The following PROZ variants were observed in gnomAD, a reference collection of about 807,000 sequenced individuals.
PROZ encodes protein Z, vitamin K dependent plasma glycoprotein, also known as vitamin K-dependent protein Z.
PROZ carries 46 observed loss-of-function variants against 34.9 expected under a neutral mutation model. The observed-to-expected ratio is 1.32, with a 90% CI of 1.04 to 1.69. PROZ has a LOEUF of 1.69. PROZ is among the 40% of genes most tolerant of loss of function. The pLI, the probability that PROZ is intolerant of heterozygous loss-of-function variation, is 0.00. For synonymous variants in PROZ, 195 were observed against 208.5 expected (o/e 0.94, Z 0.56); for missense variants, 530 against 520.4 (o/e 1.02, Z -0.18).
intron 6 of PROZ, among the ~76,000 whole-genome samples, chr13:113,169,791 G>A (rs1306030174): frequency 1.3e-5 from 2 of 152,226 alleles, no homozygotes; most frequent in African/African-American, 2.4e-5. Context: ...ACACTCTTGG[G>A]TGGTTCTTAC....
At position 113,165,124 on chromosome 13, in the gene PROZ, A is replaced by G. The variant is rs143354109; in HGVS notation, c.573+4A>G. On this transcript the variant is annotated splice_donor_region_variant and intron_variant, in intron 6 of 7. Coordinates refer to ENST00000375547, the MANE Select transcript of PROZ (RefSeq NM_003891.3). The stretch of plus-strand genomic sequence containing the variant: ...TCTACAGGACCTCCCGTGGCAGGTA[A>G]CAGAGCGCTCTCCGCGTGCTTCAAT... The G allele has an allele frequency of 6.2e-7, 1 of 1,610,596 alleles. No homozygotes were observed. Among genetic ancestry groups the G allele is most frequent in the East Asian group, 2.2e-5 (1 of 44,872 alleles).
intron 6 of PROZ, 101 bp from the exon 7 acceptor site, chr13:113,170,312 T>TGGGGGTGGGGG: frequency 3.6e-6 from 2 of 549,036 alleles, no homozygotes; most frequent in Non-Finnish European, 6.3e-6. Flanking sequence ...GGGGTGGGGG[T>TGGGGGTGGGGG]GGGGGTGGGG....
At chr13:113,166,285 T>TTGAGG (rs2036929235) in intron 6 of PROZ, 1 of 152,250 alleles carries the variant, frequency 6.6e-6, no homozygotes, top group Non-Finnish European at 1.5e-5. Context: ...ATAAACATTA[T>TTGAGG]TGAGGTTATT....
intron 3 of PROZ, 127 bp downstream of exon 3, chr13:113,161,099 C>T (rs2036752377): frequency 1.1e-6 from 1 of 881,182 alleles, no homozygotes; most frequent in African/African-American, 1.6e-5. Flanking sequence ...CCCACGGTGT[C>T]TCTCCAGGGA....
At chr13:113,164,364 G>T (rs1246685082) in intron 4 of PROZ, 149 bp from the exon 5 acceptor site, 9 of 880,982 alleles carry the variant, frequency 1.0e-5, no homozygotes, top group Non-Finnish European at 1.6e-5. Context: ...GATCTGAAGA[G>T]AATGAGAACA....
Position 113,171,912 on chromosome 13 carries a change from C to G in PROZ, c.1010C>G (p.Thr337Ser). 1 of 1,613,760 alleles carries G rather than the reference C, an allele frequency of 6.2e-7. No individual in the cohort carries two copies. Among genetic ancestry groups the G allele is most frequent in the Non-Finnish European group, 8.5e-7 (1 of 1,180,038 alleles). ...CAGGTCCTGAATGTGACTGTCACCACCAGGACCTACTGTGAGAGAAGCAGC... is the reference window on the plus strand; with the variant it reads ...CAGGTCCTGAATGTGACTGTCACCAGCAGGACCTACTGTGAGAGAAGCAGC... ...CGQVLNVTVT[T>S]RTYCERSSVA... Residue 337 changes from threonine to serine, a missense_variant, in exon 8 of 8, where the codon ACC (threonine) becomes AGC (serine). Physicochemically the swap from Thr to Ser is moderately conservative, Grantham distance 58 (BLOSUM62 1). Transcript: ENST00000375547. The surrounding 1 kb of genome is among the most constrained non-coding windows in gnomAD (Gnocchi z 5.1).
intron 6 of PROZ, among the ~76,000 whole-genome samples, chr13:113,167,339 C>T (rs1204155334): frequency 6.6e-6 from 1 of 152,190 alleles, no homozygotes; most frequent in Non-Finnish European, 1.5e-5. Context: ...TATTCATAAA[C>T]ACATGAAGAG....
chr13:113,161,250 G>C (rs1018776175), intron 3 of PROZ, among the ~76,000 whole-genome samples: 1 of 152,248 alleles, frequency 6.6e-6, no homozygotes, highest in African/African-American at 2.4e-5. Flanking sequence ...CAGGCCAGGA[G>C]GGCCCCCCCA....
chr13:113,171,869 G>A lies in PROZ; in HGVS notation c.967G>A (p.Glu323Lys). 6.2e-7 allele frequency: 1 copy of A among 1,613,726 alleles called. No individual in the cohort carries two copies. The highest frequency in any genetic ancestry group is 8.5e-7 in the Non-Finnish European group (1 of 1,180,042). The change falls in exon 8 of 8, where the codon GAG (glutamate) becomes AAG (lysine). Residue 323 changes from glutamate to lysine, a missense_variant. Glu to Lys is a moderately conservative substitution (Grantham distance 56). Coordinates refer to ENST00000375547, the MANE Select transcript of PROZ (RefSeq NM_003891.3). This position sits in a 1 kb window ranked among gnomAD's most constrained non-coding sequence, Gnocchi z 5.1. Reference protein sequence around the residue: ...SLTTRPVTLVEGEECGQVLNV... With the variant: ...SLTTRPVTLVKGEECGQVLNV... ...GACCACGCGGCCTGTCACACTTGTG[G>A]AGGGGGAGGAGTGCGGGCAGGTCCT...
At chr13:113,169,625 C>T (rs749304284) in intron 6 of PROZ, among the ~76,000 whole-genome samples, 30 of 152,248 alleles carry the variant, frequency 2.0e-4, no homozygotes, top group Non-Finnish European at 2.9e-4. Flanking sequence ...AGGACCAGGG[C>T]AGCGCTCAAG....
Position 113,159,993 on chromosome 13 carries a change from G to A in PROZ, c.71-21G>A. ...GGGCCCTCGGTGCTCCCAGTCACCT[G>A]CCTTCTTGTCTCGTCTGTAGTATTT... On this transcript the variant is annotated intron_variant, in intron 1 of 7. Coordinates refer to ENST00000375547, the MANE Select transcript of PROZ (RefSeq NM_003891.3). The surrounding 1 kb of genome is among the most constrained non-coding windows in gnomAD (Gnocchi z 4.6). 2 of 1,613,430 alleles carry A rather than the reference G, an allele frequency of 1.2e-6. No homozygotes were observed. Among genetic ancestry groups the A allele is most frequent in the South Asian group, 1.1e-5 (1 of 91,056 alleles).
At chr13:113,161,463 G>C (rs1294946964) in intron 3 of PROZ, among the ~76,000 whole-genome samples, 4 of 152,148 alleles carry the variant, frequency 2.6e-5, no homozygotes, top group African/African-American at 9.7e-5. Context: ...CACGGGGCTG[G>C]GGGAGGCCAG....
chr13:113,162,791 C>G (rs1432194902), intron 3 of PROZ, among the ~76,000 whole-genome samples: 1 of 147,064 alleles, frequency 6.8e-6, no homozygotes, highest in Admixed American at 6.8e-5. Context: ...CTGCTCAGGT[C>G]CCCGTCCCTG....
In PROZ at chr13:113,159,418, C is replaced by T. The variant is rs1299975984; in HGVS notation, c.71-596C>T. On this transcript the variant is annotated intron_variant, in intron 1 of 7. Coordinates refer to ENST00000375547, the MANE Select transcript of PROZ (RefSeq NM_003891.3). The surrounding 1 kb of genome is among the most constrained non-coding windows in gnomAD (Gnocchi z 4.6). ...CCCCCCCTGCTGTAACCCTCAGCAC[C>T]GAGAGAAAAGGAGGGAGGATGGGAA... 6.6e-6 allele frequency among the ~76,000 whole-genome samples: 1 copy of T among 151,970 alleles called. No homozygotes were observed. Among genetic ancestry groups the T allele is most frequent in the African/African-American group, 2.4e-5 (1 of 41,376 alleles).
intron 6 of PROZ, among the ~76,000 whole-genome samples, chr13:113,167,672 T>A (rs1001282212): frequency 2.0e-5 from 3 of 152,218 alleles, no homozygotes; most frequent in Non-Finnish European, 2.9e-5. Context: ...AGTGCATGTT[T>A]AAAAAATAAA....
In PROZ at chr13:113,172,229, C is replaced by G; in HGVS notation, c.*124C>G. 1 of 1,373,900 alleles carries G rather than the reference C, an allele frequency of 7.3e-7. No homozygotes were observed. The allele number at this position is 1,373,900 out of a possible 1,614,324, so 85.1% of individuals were successfully genotyped here. A position where few individuals can be genotyped will look rare whatever the true frequency, so the allele number is the denominator to read the frequency against. ...GAGGCCGTCACAGCCCCAGACCACC[C>G]GCTTGGCCCACGCAGCAGCAGAGCC... On this transcript the variant is annotated 3_prime_UTR_variant, in exon 8 of 8. Transcript: ENST00000375547.
intron 3 of PROZ, 77 bp downstream of exon 3, chr13:113,161,049 C>A: frequency 7.7e-7 from 1 of 1,299,338 alleles, no homozygotes; most frequent in Non-Finnish European, 1.1e-6. Context: ...GGACGCTTCA[C>A]GACCCCAGCT....
intron 5 of PROZ, 72 bp downstream of exon 5, chr13:113,164,716 T>C (rs1160696130): frequency 1.3e-6 from 2 of 1,593,348 alleles, no homozygotes; most frequent in Non-Finnish European, 1.7e-6. Context: ...CTTCCTTCTG[T>C]AGTACTGGGT....
rs370179201 is a variant in PROZ at position 113,164,591 on chromosome 13, G to A, written c.452G>A (p.Ser151Asn). The change falls in exon 5 of 8, where the codon AGC becomes AAC. Residue 151 changes from serine to asparagine, a missense_variant. Transcript: ENST00000375547. ...CCAGGACAGGAATCCTACACATGCAGCTGTGCTCAGGGCTACAGGCTTGGT... is the reference window on the plus strand; with the variant it reads ...CCAGGACAGGAATCCTACACATGCAACTGTGCTCAGGGCTACAGGCTTGGT... ...CLPGQESYTC[S>N]CAQGYRLGED... is the part of the protein sequence containing the mutation. The A allele has an allele frequency of 8.1e-6, 13 of 1,613,824 alleles. No homozygotes were observed. The Admixed American group carries it at 1.0e-4, about 12-fold the overall frequency.
Sources: allele counts gnomAD v4.1 joint callset (sites outside exome capture counted in the v4.1 genomes callset), GRCh38; gene constraint gnomAD v4.1.1; non-coding constraint Gnocchi (gnomAD v3.1); transcripts MANE v1.5; gene names NCBI Gene and HGNC (gene_info 2026-07-23, HGNC 2026-07-21).